Variants in PTPRD observed in about 807,000 individuals in gnomAD.
PTPRD encodes receptor-type tyrosine-protein phosphatase delta.
Under a neutral mutation model 214.5 loss-of-function variants are expected in PTPRD, and 34 were observed. The ratio of observed to expected loss-of-function variants is 0.16; its 90% CI spans 0.12 to 0.21. The LOEUF (loss-of-function observed/expected upper bound fraction) is 0.21, where lower values mean the gene tolerates loss of function less well. Ranked by LOEUF, PTPRD falls within the 10% of genes least tolerant of loss-of-function variation. PTPRD has a pLI of 1.00. For synonymous variants in PTPRD, 1,128 were observed against 845.7 expected (o/e 1.33, Z -5.79); for missense variants, 2,545 against 2,398.7 (o/e 1.06, Z -1.27).
At chr9:8,559,215 A>G (rs2141172337) in intron 14 of PTPRD, among the ~76,000 whole-genome samples, 1 of 152,342 alleles carries the variant, frequency 6.6e-6, no homozygotes, top group Non-Finnish European at 1.5e-5. Flanking sequence ...AATTATACTT[A>G]GCAGTAATTC....
At chr9:10,359,447 T>A (rs531389272) in intron 2 of PTPRD, among the ~76,000 whole-genome samples, 1 of 152,054 alleles carries the variant, frequency 6.6e-6, no homozygotes, top group Non-Finnish European at 1.5e-5. Context: ...TGGTAATAAG[T>A]AAATATTTTA....
In PTPRD at chr9:8,948,464, T is replaced by TA. The variant is rs1491274095; in HGVS notation, c.-104+70232_-104+70233insT. ...ACATATATATATATTTATATATATA[T>TA]TTACATATATATATATTTATATATA... On this transcript the variant is annotated intron_variant, in intron 11 of 45. Transcript: ENST00000381196. 3.2e-3 allele frequency among the ~76,000 whole-genome samples: 42 copies of TA among 12,950 alleles called. 3 individuals carry two copies. Among genetic ancestry groups the TA allele is most frequent in the East Asian group, 0.031 (1 of 32 alleles). The allele number at this position is 12,950 out of a possible 152,430, so 8.5% of individuals were successfully genotyped here. A position where few individuals can be genotyped will look rare whatever the true frequency, so the allele number is the denominator to read the frequency against.
intron 11 of PTPRD, among the ~76,000 whole-genome samples, chr9:8,914,141 A>AG (rs544883171): frequency 9.9e-4 from 150 of 152,270 alleles, no homozygotes; most frequent in African/African-American, 3.4e-3. Flanking sequence ...TGACCTCTAG[A>AG]GTGGATGATT....
At chr9:8,908,403 T>C (rs2098723097) in intron 11 of PTPRD, among the ~76,000 whole-genome samples, 1 of 152,130 alleles carries the variant, frequency 6.6e-6, no homozygotes, top group Admixed American at 6.6e-5. Flanking sequence ...AAGTATGTTG[T>C]TTTATTATAA....
chr9:9,133,663 T>C (rs1569550405), intron 10 of PTPRD, among the ~76,000 whole-genome samples: 1 of 152,196 alleles, frequency 6.6e-6, no homozygotes, highest in Non-Finnish European at 1.5e-5. Flanking sequence ...CACTGGAATA[T>C]GAAAGAAGCA....
At position 9,821,574 on chromosome 9, in the gene PTPRD, A is replaced by T. The variant is rs1005431547; in HGVS notation, c.-367-54723T>A. Among the ~76,000 whole-genome samples the T allele has an allele frequency of 3.9e-5, 6 of 152,200 alleles. No homozygotes were observed. The East Asian group carries it at 9.6e-4, about 24-fold the overall frequency. On this transcript the variant is annotated intron_variant, in intron 5 of 45. Transcript: ENST00000381196. ...TAAGATATAGATAAATATCATAATG[A>T]TTATTGCATAGGCTATTCTCTCTTC...
In PTPRD at chr9:8,500,961, T is replaced by C. The variant is rs1475630432; in HGVS notation, c.1921A>G (p.Ile641Val). 1.2e-6 allele frequency: 2 copies of C among 1,614,128 alleles called. No individual in the cohort carries two copies. Among genetic ancestry groups the C allele is most frequent in the Admixed American group, 1.7e-5 (1 of 60,010 alleles). ...TACTTGATGGAGTATTCAGTGATAATGCCATTCTGTTTTTCCACTGGTGGA... is the reference window on the plus strand; with the variant it reads ...TACTTGATGGAGTATTCAGTGATAACGCCATTCTGTTTTTCCACTGGTGGA... ...QPPPVEKQNGIITEYSIKYTA... is the reference protein window; with the variant it reads ...QPPPVEKQNGVITEYSIKYTA... Residue 641 changes from isoleucine to valine, a missense_variant, in exon 24 of 46, where the codon ATT becomes GTT. Physicochemically the swap from Ile to Val is conservative, Grantham distance 29. Transcript: ENST00000381196.
chr9:9,032,724 C>T (rs1191901401), intron 10 of PTPRD, among the ~76,000 whole-genome samples: 4 of 152,022 alleles, frequency 2.6e-5, no homozygotes, highest in Non-Finnish European at 4.4e-5. Flanking sequence ...CGGCTCTGGC[C>T]CTCACCAGGG....
chr9:10,551,604 A>C (rs1402036444), intron 2 of PTPRD, among the ~76,000 whole-genome samples: 1 of 152,148 alleles, frequency 6.6e-6, no homozygotes, highest in Non-Finnish European at 1.5e-5. Context: ...TATATCTATA[A>C]ACCAGACATG....
At chr9:8,983,724 C>T (rs1033903769) in intron 11 of PTPRD, among the ~76,000 whole-genome samples, 2 of 151,740 alleles carry the variant, frequency 1.3e-5, no homozygotes, top group Non-Finnish European at 2.9e-5. Context: ...CATTATGTTG[C>T]CAAGGCTGAG....
intron 2 of PTPRD, among the ~76,000 whole-genome samples, chr9:10,518,111 T>C (rs751273875): frequency 6.6e-6 from 1 of 152,202 alleles, no homozygotes; most frequent in African/African-American, 2.4e-5. Flanking sequence ...TCCATTGTTC[T>C]AACTAGAACA....
chr9:9,187,779 G>A (rs1350375574), intron 9 of PTPRD, among the ~76,000 whole-genome samples: 1 of 149,508 alleles, frequency 6.7e-6, no homozygotes, highest in Non-Finnish European at 1.5e-5. Flanking sequence ...AGAATAAGAG[G>A]ATTTTTTTTT....
chr9:9,096,335 T>C (rs183311944), intron 10 of PTPRD, among the ~76,000 whole-genome samples: 2 of 152,288 alleles, frequency 1.3e-5, no homozygotes, highest in East Asian at 3.9e-4. Context: ...TTGTAGACCT[T>C]AAATATACGC....
intron 9 of PTPRD, among the ~76,000 whole-genome samples, chr9:9,285,691 T>A (rs1023093731): frequency 6.6e-6 from 1 of 151,808 alleles, no homozygotes; most frequent in Non-Finnish European, 1.5e-5. Flanking sequence ...TTTGGTCATT[T>A]CATGTCTTGA....
At chr9:8,414,930 G>GA (rs2093802531) in intron 35 of PTPRD, among the ~76,000 whole-genome samples, 49 of 49,264 alleles carry the variant, frequency 9.9e-4, no homozygotes, top group East Asian at 4.7e-3. Flanking sequence ...AGAGGGAGGG[G>GA]GAGAGAGAGA....
intron 11 of PTPRD, among the ~76,000 whole-genome samples, chr9:8,941,519 A>T (rs757090160): frequency 3.9e-5 from 6 of 152,182 alleles, no homozygotes; most frequent in Non-Finnish European, 7.3e-5. Context: ...AAGTAACTTA[A>T]CCTCACTTAA....
At chr9:10,130,213 A>G (rs2098850141) in intron 3 of PTPRD, among the ~76,000 whole-genome samples, 1 of 151,128 alleles carries the variant, frequency 6.6e-6, no homozygotes, top group Non-Finnish European at 1.5e-5. Context: ...ACTGGGACAT[A>G]ATATTCACAT....
chr9:9,325,255 G>A (rs1969335427), intron 9 of PTPRD, among the ~76,000 whole-genome samples: 1 of 152,124 alleles, frequency 6.6e-6, no homozygotes, highest in Admixed American at 6.6e-5. Context: ...TGATGGGGAT[G>A]GCATTGAATG....
intron 9 of PTPRD, among the ~76,000 whole-genome samples, chr9:9,195,479 G>A (rs10977562): frequency 0.094 from 14,322 of 152,004 alleles, 2,237 homozygotes; most frequent in African/African-American, 0.33. Flanking sequence ...ACATTTGTTG[G>A]GGATTAAGTA....
Sources: allele counts gnomAD v4.1 joint callset (sites outside exome capture counted in the v4.1 genomes callset), GRCh38; gene constraint gnomAD v4.1.1; transcripts MANE v1.5; gene names NCBI Gene and HGNC (gene_info 2026-07-23, HGNC 2026-07-21).